WWOX: variants seen among roughly 807,000 people sequenced by gnomAD.
The protein encoded by WWOX is WW domain containing oxidoreductase.
WWOX carries 69 observed loss-of-function variants against 46.2 expected under a neutral mutation model. The ratio of observed to expected loss-of-function variants is 1.49; its 90% CI spans 1.23 to 1.82. The LOEUF is 1.82. Ranked by LOEUF, WWOX falls within the 40% of genes most tolerant of loss-of-function variation. WWOX has a pLI of 0.00. For missense variants in WWOX, 919 were observed against 542.6 expected (o/e 1.69, Z -6.89); for synonymous variants, 359 against 202.6 (o/e 1.77, Z -6.56).
At chr16:78,926,384 A>T (rs2151275456) in intron 8 of WWOX, among the ~76,000 whole-genome samples, 1 of 152,250 alleles carries the variant, frequency 6.6e-6, no homozygotes, top group South Asian at 2.1e-4. Flanking sequence ...AAAAAAAAAA[A>T]AAAGTTCCTA....
chr16:78,691,274 C>G (rs1238506292), intron 8 of WWOX: 1 of 702,052 alleles, frequency 1.4e-6, no homozygotes, highest in Non-Finnish European at 2.6e-6. Flanking sequence ...GAGGTCACTT[C>G]TGATTGTCAG....
chr16:78,745,417 A>C (rs1476150737), intron 8 of WWOX, among the ~76,000 whole-genome samples: 1 of 151,086 alleles, frequency 6.6e-6, no homozygotes. Flanking sequence ...TCCCTGTGTC[A>C]TGCCTGTTAT....
chr16:79,148,791 A>ATGG (rs59514221), intron 8 of WWOX, among the ~76,000 whole-genome samples: 47,533 of 151,800 alleles, frequency 0.31, 7,621 homozygotes, highest in East Asian at 0.48. Context: ...GCGATTGTAA[A>ATGG]TGGCATTGTG....
intron 8 of WWOX, among the ~76,000 whole-genome samples, chr16:78,537,743 A>T (rs1185601760): frequency 1.3e-5 from 2 of 152,062 alleles, no homozygotes; most frequent in Non-Finnish European, 2.9e-5. Flanking sequence ...CTTTTGGGTG[A>T]TGAGGAAGCT....
chr16:78,286,382 C>T (rs113035266), intron 5 of WWOX, among the ~76,000 whole-genome samples: 136 of 152,248 alleles, frequency 8.9e-4, no homozygotes, highest in Non-Finnish European at 1.4e-3. Context: ...GGGGTTGTCC[C>T]CCCCTTTTAC....
At chr16:78,960,692 T>G (rs2046255460) in intron 8 of WWOX, among the ~76,000 whole-genome samples, 1 of 152,188 alleles carries the variant, frequency 6.6e-6, no homozygotes, top group Non-Finnish European at 1.5e-5. Context: ...CCCTGTGCCA[T>G]CAGCTACTGG....
intron 8 of WWOX, among the ~76,000 whole-genome samples, chr16:78,967,351 A>G (rs967697674): frequency 1.0e-4 from 13 of 124,378 alleles, no homozygotes; most frequent in African/African-American, 3.4e-4. Context: ...GTGCAGTGGC[A>G]TGATCATGGC....
chr16:78,577,757 G>C (rs768655615), intron 8 of WWOX, among the ~76,000 whole-genome samples: 8 of 152,114 alleles, frequency 5.3e-5, no homozygotes, highest in Non-Finnish European at 7.4e-5. Flanking sequence ...GCAGTCTTGC[G>C]GAAGGTGCCA....
chr16:78,621,115 G>C (rs1342744185), intron 8 of WWOX, among the ~76,000 whole-genome samples: 1 of 152,116 alleles, frequency 6.6e-6, no homozygotes, highest in Non-Finnish European at 1.5e-5. Context: ...CTTTGAAAAT[G>C]CTGGGTTTTA....
intron 8 of WWOX, among the ~76,000 whole-genome samples, chr16:78,938,243 A>G (rs1232717928): frequency 6.6e-6 from 1 of 152,186 alleles, no homozygotes; most frequent in Non-Finnish European, 1.5e-5. Flanking sequence ...CGTGAACTAG[A>G]GGTGAGGTGG....
intron 4 of WWOX, among the ~76,000 whole-genome samples, chr16:78,152,208 A>AG (rs397735240): frequency 6.6e-6 from 1 of 151,394 alleles, no homozygotes; most frequent in Non-Finnish European, 1.5e-5. Flanking sequence ...AAAAAAAAAA[A>AG]TTATAACATG....
chr16:78,663,722 A>G (rs1418124364), intron 8 of WWOX, among the ~76,000 whole-genome samples: 7 of 152,058 alleles, frequency 4.6e-5, no homozygotes, highest in Non-Finnish European at 1.0e-4. Flanking sequence ...ACAGATAGTG[A>G]TTGTGTGTGT....
intron 8 of WWOX, among the ~76,000 whole-genome samples, chr16:79,032,088 ATATT>A (rs1425667929): frequency 6.9e-6 from 1 of 144,568 alleles, no homozygotes; most frequent in South Asian, 2.1e-4. Flanking sequence ...TATAAAATAT[ATATT>A]ATGTATAGAT....
chr16:78,413,158 T>C (rs2082722010), intron 6 of WWOX, among the ~76,000 whole-genome samples: 1 of 152,150 alleles, frequency 6.6e-6, no homozygotes, highest in South Asian at 2.1e-4. Flanking sequence ...GCCAGCTGTA[T>C]GGGAAACCAG....
At chr16:78,970,074 A>C (rs142598701) in intron 8 of WWOX, among the ~76,000 whole-genome samples, 6 of 152,150 alleles carry the variant, frequency 3.9e-5, no homozygotes, top group Non-Finnish European at 5.9e-5. Flanking sequence ...CTAACGCTCA[A>C]ATTTCCCAAG....
intron 8 of WWOX, among the ~76,000 whole-genome samples, chr16:79,154,885 G>A (rs1008128386): frequency 2.0e-5 from 3 of 152,152 alleles, no homozygotes; most frequent in African/African-American, 7.2e-5. Context: ...CCTGTTTCCT[G>A]TTTAATACAT....
intron 5 of WWOX, among the ~76,000 whole-genome samples, chr16:78,235,614 C>T (rs113907668): frequency 4.7e-4 from 71 of 152,256 alleles, no homozygotes; most frequent in African/African-American, 1.6e-3. Flanking sequence ...CTTTTGCAGC[C>T]GGCTTGCAAT....
chr16:78,220,352 C>T (rs1043266012), intron 5 of WWOX, among the ~76,000 whole-genome samples: 3 of 152,100 alleles, frequency 2.0e-5, no homozygotes, highest in Admixed American at 6.5e-5. Flanking sequence ...CTTATTTTTC[C>T]GAGCAAGTTT....
chr16:78,861,236 G>T (rs915724476), intron 8 of WWOX, among the ~76,000 whole-genome samples: 1 of 152,106 alleles, frequency 6.6e-6, no homozygotes, highest in African/African-American at 2.4e-5. Flanking sequence ...GACTGAGTAA[G>T]AAAGAATTGA....
Sources: allele counts gnomAD v4.1 joint callset (sites outside exome capture counted in the v4.1 genomes callset), GRCh38; gene constraint gnomAD v4.1.1; transcripts MANE v1.5; gene names NCBI Gene and HGNC (gene_info 2026-07-23, HGNC 2026-07-21).